ADK: variants seen among roughly 807,000 people sequenced by gnomAD.
ADK encodes the protein adenosine kinase, also known as N6,N6-dimethyladenosine kinase.
Under a neutral mutation model 44.7 loss-of-function variants are expected in ADK, and 24 were observed. The observed-to-expected ratio is 0.54, with a 90% confidence interval of 0.39 to 0.76. The LOEUF (loss-of-function observed/expected upper bound fraction) is 0.76. ADK is among the 30% of genes least tolerant of loss of function. The probability of loss-of-function intolerance (pLI) is 0.00; values close to 1 mark genes in which losing one functional copy is unlikely to be tolerated. For synonymous variants in ADK, 128 were observed against 142.6 expected, an observed-to-expected ratio of 0.90 and a Z score of 0.73; for missense variants, 321 against 425.1, an observed-to-expected ratio of 0.76 and a Z score of 2.15.
At chr10:74,453,293 T>A (rs958178625) in intron 6 of ADK, among the ~76,000 whole-genome samples, 1 of 152,140 alleles carries the variant, frequency 6.6e-6, no homozygotes, top group Admixed American at 6.5e-5. Flanking sequence ...ATGCATCCTA[T>A]CTCCTTGACA....
intron 3 of ADK, among the ~76,000 whole-genome samples, chr10:74,303,635 A>T (rs1840153832): frequency 8.7e-6 from 1 of 115,534 alleles, no homozygotes; most frequent in South Asian, 2.7e-4. Context: ...CATGCACAAG[A>T]TAAAGCTTCT....
intron 6 of ADK, among the ~76,000 whole-genome samples, chr10:74,452,886 G>GTATA (rs1845822409): frequency 6.6e-6 from 1 of 151,906 alleles, no homozygotes; most frequent in Admixed American, 6.6e-5. Context: ...ATTAGTGGCA[G>GTATA]TATACTCAAA....
At chr10:74,693,624 A>G (rs1411811437) in intron 10 of ADK, among the ~76,000 whole-genome samples, 1 of 152,174 alleles carries the variant, frequency 6.6e-6, no homozygotes, top group Non-Finnish European at 1.5e-5. Context: ...TTCCGTTTCA[A>G]AAGATGCGTA....
chr10:74,600,406 A>G lies in ADK; in HGVS notation c.790A>G (p.Lys264Glu). ...TAAAGACATTAAAGAGATAGCCAAAAAGACACAAGCCCTGCCAAAGATGAA... is the reference window on the plus strand; with the variant it reads ...TAAAGACATTAAAGAGATAGCCAAAGAGACACAAGCCCTGCCAAAGATGAA... ...ETKDIKEIAK[K>E]TQALPKMNSK... The change falls in exon 9 of 11, where the codon AAG becomes GAG. Residue 264 changes from lysine (K) to glutamate (E), a missense_variant. Lys to Glu is a moderately conservative substitution (Grantham distance 56, BLOSUM62 1). Coordinates refer to ENST00000539909, the MANE Select transcript of ADK (RefSeq NM_006721.4). The G allele has an allele frequency of 1.2e-6, 2 of 1,610,850 alleles. No homozygotes were observed. Among genetic ancestry groups the G allele is most frequent in the South Asian group, 2.2e-5 (2 of 90,736 alleles).
chr10:74,408,006 G>C (rs528493008), intron 6 of ADK, among the ~76,000 whole-genome samples: 1 of 151,650 alleles, frequency 6.6e-6, no homozygotes, highest in African/African-American at 2.4e-5. Flanking sequence ...TTGAATTTGA[G>C]TCTCAGTCTG....
chr10:74,424,301 G>A (rs963841026), intron 6 of ADK, among the ~76,000 whole-genome samples: 11 of 152,042 alleles, frequency 7.2e-5, no homozygotes, highest in Non-Finnish European at 1.0e-4. Flanking sequence ...CACAGAGGCC[G>A]AGGCAGGAGG....
intron 7 of ADK, among the ~76,000 whole-genome samples, chr10:74,552,219 A>G (rs1172265634): frequency 6.6e-6 from 1 of 152,128 alleles, no homozygotes; most frequent in Non-Finnish European, 1.5e-5. Context: ...TAAATAGTGA[A>G]ATGTCTTAGC....
intron 4 of ADK, among the ~76,000 whole-genome samples, chr10:74,330,486 A>G (rs1050146015): frequency 6.6e-6 from 1 of 152,212 alleles, no homozygotes; most frequent in African/African-American, 2.4e-5. Context: ...TTGAAAAGGT[A>G]GAACCTAATT....
intron 3 of ADK, among the ~76,000 whole-genome samples, chr10:74,274,730 G>GTATATATATATATATATATA (rs1200421234): frequency 4.9e-5 from 2 of 40,516 alleles, no homozygotes; most frequent in Non-Finnish European, 6.7e-5. Context: ...ATTTTAATGT[G>GTATATATATATATATATATA]TGTATATATA....
Position 74,306,617 on chromosome 10 carries a change from C to G in ADK, c.195-8050C>G, listed in dbSNP as rs551604135. Among the ~76,000 whole-genome samples, 3 of 152,232 alleles carry G rather than the reference C, an allele frequency of 2.0e-5. No individual in the cohort carries two copies. The South Asian group carries it at 6.2e-4, about 32-fold the overall frequency. ...AGATTATTCAGATTGTATCTTCTAC[C>G]AGAGTGTTCACTCTTTTCTGTATGA... On this transcript the variant is annotated intron_variant, in intron 3 of 10. Coordinates refer to ENST00000539909, the MANE Select transcript of ADK (RefSeq NM_006721.4).
At chr10:74,187,055 C>T (rs1198553634) in intron 1 of ADK, among the ~76,000 whole-genome samples, 1 of 151,824 alleles carries the variant, frequency 6.6e-6, no homozygotes, top group Non-Finnish European at 1.5e-5. Context: ...TTTACATTCC[C>T]ACCAGTTTTT....
chr10:74,701,991 T>C (rs926189213), intron 10 of ADK, among the ~76,000 whole-genome samples: 3 of 152,072 alleles, frequency 2.0e-5, no homozygotes, highest in Non-Finnish European at 2.9e-5. Context: ...AATAAATAGA[T>C]TTTAAAATAA....
chr10:74,189,682 G>A lies in ADK; in HGVS notation c.66-11082G>A, dbSNP rs965797404. Among the ~76,000 whole-genome samples the A allele has an allele frequency of 5.3e-5, 8 of 152,238 alleles. No homozygotes were observed. In the East Asian group the frequency reaches 9.6e-4, roughly 18 times the overall value. ...ATATTCACAAGGTTGTACAGCCATC[G>A]GCACTATTTAATTCCAGAACGTTTT... is the stretch of plus-strand genomic sequence containing the variant. On this transcript the variant is annotated intron_variant, in intron 1 of 10. Coordinates refer to ENST00000539909, the MANE Select transcript of ADK (RefSeq NM_006721.4).
chr10:74,586,866 A>T (rs1054456402), intron 7 of ADK, among the ~76,000 whole-genome samples: 30 of 151,040 alleles, frequency 2.0e-4, no homozygotes, highest in Non-Finnish European at 3.2e-4. Context: ...AAAAAAAAAA[A>T]AAATATATAT....
chr10:74,582,210 A>G (rs1019197046), intron 7 of ADK, among the ~76,000 whole-genome samples: 3 of 152,092 alleles, frequency 2.0e-5, no homozygotes, highest in African/African-American at 4.8e-5. Context: ...TGTAGTGCCA[A>G]CTGTTTGGGA....
At chr10:74,667,925 T>C (rs1245519158) in intron 9 of ADK, among the ~76,000 whole-genome samples, 1 of 152,172 alleles carries the variant, frequency 6.6e-6, no homozygotes, top group Admixed American at 6.5e-5. Flanking sequence ...CAGTCAAAAA[T>C]GAATAATTGT....
chr10:74,538,447 A>T (rs1331106608), intron 7 of ADK, among the ~76,000 whole-genome samples: 1 of 152,226 alleles, frequency 6.6e-6, no homozygotes, highest in Non-Finnish European at 1.5e-5. Flanking sequence ...TTTAACTTTT[A>T]AAAAATCTCG....
intron 9 of ADK, among the ~76,000 whole-genome samples, chr10:74,649,757 AGAGCTATCT>A (rs1215979833): frequency 3.9e-5 from 6 of 152,208 alleles, no homozygotes; most frequent in African/African-American, 1.4e-4. Context: ...TCAAGAAGGA[AGAGCTATCT>A]GATGTCTAGA....
At chr10:74,569,007 A>G (rs1850815504) in intron 7 of ADK, among the ~76,000 whole-genome samples, 1 of 142,274 alleles carries the variant, frequency 7.0e-6, no homozygotes, top group African/African-American at 2.6e-5. Context: ...ATTCCCACCT[A>G]TGAGTGAGAA....
Sources: gnomAD v4.1 joint callset for allele counts (sites outside exome capture counted in the v4.1 genomes callset) on GRCh38, gnomAD v4.1.1 for gene constraint, MANE v1.5 for transcripts, NCBI Gene and HGNC (gene_info 2026-07-23, HGNC 2026-07-21) for gene names.